ZNF704: variants seen among roughly 807,000 people sequenced by gnomAD.
ZNF704 encodes the protein glucocorticoid induced gene 1.
ZNF704 carries 10 observed loss-of-function variants against 44.7 expected under a neutral mutation model. That is an observed-to-expected ratio of 0.22 (90% CI 0.14 to 0.38). The LOEUF (loss-of-function observed/expected upper bound fraction) is 0.38. Among genes scored for constraint, ZNF704 ranks in the 10% least tolerant of loss-of-function variants. The pLI, the probability that ZNF704 is intolerant of heterozygous loss-of-function variation, is 1.00. For missense variants in ZNF704, 390 were observed against 545.5 expected, an observed-to-expected ratio of 0.71 and a Z score of 2.84; for synonymous variants, 211 against 207.6, an observed-to-expected ratio of 1.02 and a Z score of -0.14.
At position 80,822,986 on chromosome 8, in the gene ZNF704, A is replaced by G. The variant is rs148858929; in HGVS notation, c.-21-1371T>C. On this transcript the variant is annotated intron_variant, in intron 1 of 8. Coordinates refer to ENST00000327835, the MANE Select transcript of ZNF704 (RefSeq NM_001033723.3). The stretch of plus-strand genomic sequence containing the variant: ...TGGAAGTTCCAAAATGGCCAAATAT[A>G]GGAACAGCTCCAGTCTACAGCTCCC... Among the ~76,000 whole-genome samples the G allele has an allele frequency of 4.5e-3, 685 of 152,308 alleles. 7 individuals are homozygous for G. The highest frequency in any genetic ancestry group is 0.016 in the African/African-American group (656 of 41,574).
In ZNF704 at chr8:80,749,000, A is replaced by G. The variant is rs370221517; in HGVS notation, c.222-55893T>C. On this transcript the variant is annotated intron_variant, in intron 2 of 8. Coordinates refer to ENST00000327835, the MANE Select transcript of ZNF704 (RefSeq NM_001033723.3). ...GGGATTCAGCAGTGAAGAAGCAGAAACTGGTTTAAAGCAATTTGATATCTA... is the reference window on the plus strand; with the variant it reads ...GGGATTCAGCAGTGAAGAAGCAGAAGCTGGTTTAAAGCAATTTGATATCTA... Among the ~76,000 whole-genome samples, 44 of 152,308 alleles carry G rather than the reference A, an allele frequency of 2.9e-4. No homozygotes were observed. The East Asian group carries it at 8.5e-3, about 29-fold the overall frequency.
intron 1 of ZNF704, among the ~76,000 whole-genome samples, chr8:80,859,696 G>A (rs745447764): frequency 3.9e-5 from 6 of 152,028 alleles, no homozygotes; most frequent in South Asian, 2.1e-4. Flanking sequence ...GAGCAATCTC[G>A]GGGATAAGTC....
intron 1 of ZNF704, among the ~76,000 whole-genome samples, chr8:80,846,345 C>A (rs1350813558): frequency 6.6e-6 from 1 of 151,766 alleles, no homozygotes; most frequent in Non-Finnish European, 1.5e-5. Flanking sequence ...AGGGTAAGAA[C>A]TAAAAGACAT....
At chr8:80,735,964 A>G (rs940667475) in intron 2 of ZNF704, among the ~76,000 whole-genome samples, 2 of 152,242 alleles carry the variant, frequency 1.3e-5, no homozygotes, top group Non-Finnish European at 2.9e-5. Flanking sequence ...ATTCCAGTTT[A>G]GTATACTAAC....
chr8:80,722,538 G>T (rs118094502), intron 2 of ZNF704, among the ~76,000 whole-genome samples: 2,327 of 152,272 alleles, frequency 0.015, 22 homozygotes, highest in South Asian at 0.044. Context: ...AGTGAAACAA[G>T]AATTTAAAGT....
At chr8:80,733,425 T>A (rs1319034465) in intron 2 of ZNF704, among the ~76,000 whole-genome samples, 1 of 152,240 alleles carries the variant, frequency 6.6e-6, no homozygotes. Context: ...TGAGATGTAC[T>A]TTACTTTGCT....
At chr8:80,805,227 A>T (rs932773210) in intron 2 of ZNF704, among the ~76,000 whole-genome samples, 11 of 152,182 alleles carry the variant, frequency 7.2e-5, no homozygotes, top group Admixed American at 4.6e-4. Context: ...TTAAGTAGTC[A>T]TCCCCTGCTT....
rs989413704 is a variant in ZNF704 at position 80,755,656 on chromosome 8, C to T, written c.222-62549G>A. On this transcript the variant is annotated intron_variant, in intron 2 of 8. Transcript: ENST00000327835. Reference sequence around the variant, plus strand: ...AGGCATCTATGGTGCTTCCCTGCCTCCCCTGGTGATTTCAGCGTGCAGCCA... The same window carrying T: ...AGGCATCTATGGTGCTTCCCTGCCTTCCCTGGTGATTTCAGCGTGCAGCCA... Among the ~76,000 whole-genome samples the T allele has an allele frequency of 2.0e-5, 3 of 152,274 alleles. No individual in the cohort carries two copies. In the South Asian group the frequency reaches 6.2e-4, roughly 32 times the overall value.
intron 1 of ZNF704, among the ~76,000 whole-genome samples, chr8:80,852,563 G>T (rs979660533): frequency 6.6e-6 from 1 of 152,148 alleles, no homozygotes; most frequent in African/African-American, 2.4e-5. Flanking sequence ...GAAGCTACTT[G>T]CTACCACCTT....
At chr8:80,691,498 T>C (rs898309739) in intron 3 of ZNF704, among the ~76,000 whole-genome samples, 1 of 152,208 alleles carries the variant, frequency 6.6e-6, no homozygotes, top group Non-Finnish European at 1.5e-5. Flanking sequence ...TCTCCTGGTC[T>C]TCCTCTACCT....
chr8:80,684,743 T>C (rs899758185), intron 4 of ZNF704, among the ~76,000 whole-genome samples: 15 of 152,196 alleles, frequency 9.9e-5, no homozygotes, highest in African/African-American at 3.1e-4. Flanking sequence ...TACACATCAA[T>C]TTCCAGCCAC....
intron 2 of ZNF704, among the ~76,000 whole-genome samples, chr8:80,699,272 C>T (rs1014960607): frequency 5.3e-5 from 8 of 152,050 alleles, no homozygotes; most frequent in African/African-American, 1.9e-4. Context: ...ATATAAAGCA[C>T]AAAACTTCAT....
chr8:80,862,178 T>C (rs1276356661), intron 1 of ZNF704, among the ~76,000 whole-genome samples: 2 of 151,704 alleles, frequency 1.3e-5, no homozygotes, highest in East Asian at 1.9e-4. Flanking sequence ...TACTTTTTTG[T>C]AGAAAAAATG....
chr8:80,681,681 G>T (rs959391169), intron 4 of ZNF704, among the ~76,000 whole-genome samples: 1 of 152,034 alleles, frequency 6.6e-6, no homozygotes, highest in Non-Finnish European at 1.5e-5. Flanking sequence ...ACAACAAAAC[G>T]ATTTCTGAAT....
At chr8:80,646,436 G>A (rs780953527) in intron 7 of ZNF704, among the ~76,000 whole-genome samples, 16 of 149,878 alleles carry the variant, frequency 1.1e-4, no homozygotes, top group African/African-American at 2.2e-4. Context: ...AGATTGTGCC[G>A]TTGCACTCTA....
At chr8:80,672,033 G>A (rs929662865) in intron 4 of ZNF704, among the ~76,000 whole-genome samples, 4 of 151,990 alleles carry the variant, frequency 2.6e-5, no homozygotes, top group African/African-American at 9.7e-5. Flanking sequence ...AAATTATAAA[G>A]AAATGCAAGT....
chr8:80,644,741 T>A (rs1585918048), intron 7 of ZNF704, among the ~76,000 whole-genome samples: 2 of 152,220 alleles, frequency 1.3e-5, no homozygotes, highest in African/African-American at 2.4e-5. Flanking sequence ...AGAGCACTCA[T>A]CTGGCTGGGC....
intron 2 of ZNF704, among the ~76,000 whole-genome samples, chr8:80,809,073 C>T (rs1180433086): frequency 6.6e-6 from 1 of 152,196 alleles, no homozygotes; most frequent in African/African-American, 2.4e-5. Flanking sequence ...GGGCAGATCA[C>T]TTGAGGTCAG....
At chr8:80,765,870 C>T (rs955767682) in intron 2 of ZNF704, among the ~76,000 whole-genome samples, 8 of 152,048 alleles carry the variant, frequency 5.3e-5, no homozygotes, top group Non-Finnish European at 1.0e-4. Context: ...TACCATTTAC[C>T]GAGTATCCAT....
Sources: gnomAD v4.1 joint callset for allele counts (sites outside exome capture counted in the v4.1 genomes callset) on GRCh38, gnomAD v4.1.1 for gene constraint, MANE v1.5 for transcripts, NCBI Gene and HGNC (gene_info 2026-07-23, HGNC 2026-07-21) for gene names.